EML4: variants seen among roughly 807,000 people sequenced by gnomAD.
EML4 encodes echinoderm microtubule-associated protein-like 4.
A neutral mutation model predicts 129.0 loss-of-function variants in EML4; 72 were observed. The observed-to-expected ratio is 0.56, with a 90% CI of 0.46 to 0.68. The LOEUF is 0.68. EML4 is among the 30% of genes least tolerant of loss of function. EML4 has a pLI of 0.00. For missense variants in EML4, 1,363 were observed against 1,190.6 expected (o/e 1.14, Z -2.13); for synonymous variants, 532 against 405.0 (o/e 1.31, Z -3.77).
At chr2:42,213,841 CAT>C (rs776186071) in intron 1 of EML4, among the ~76,000 whole-genome samples, 76 of 152,256 alleles carry the variant, frequency 5.0e-4, no homozygotes, top group Middle Eastern at 3.4e-3. Context: ...TTTCTTAAAA[CAT>C]ATAAAATTAA....
chr2:42,233,627 G>A (rs11124864), intron 1 of EML4, among the ~76,000 whole-genome samples: 74,493 of 151,958 alleles, frequency 0.49, 18,706 homozygotes, highest in East Asian at 0.76. Flanking sequence ...GTTTCTTAAT[G>A]CTAGTACTGC....
At chr2:42,294,251 C>G (rs866602678) in intron 11 of EML4, among the ~76,000 whole-genome samples, 2 of 152,270 alleles carry the variant, frequency 1.3e-5, no homozygotes, top group Middle Eastern at 3.4e-3. Context: ...TAATGCCTGT[C>G]TTTGCTAGAT....
At chr2:42,176,680 T>C (rs1670622561) in intron 1 of EML4, among the ~76,000 whole-genome samples, 1 of 152,244 alleles carries the variant, frequency 6.6e-6, no homozygotes. Flanking sequence ...ATAGGACCAC[T>C]CTTGGGGTAC....
chr2:42,279,325 G>A (rs897812126), intron 6 of EML4, among the ~76,000 whole-genome samples: 18 of 152,162 alleles, frequency 1.2e-4, no homozygotes, highest in Non-Finnish European at 2.4e-4. Context: ...TGGGATTGCA[G>A]CATCATATGG....
At chr2:42,226,849 T>G (rs1208876535) in intron 1 of EML4, among the ~76,000 whole-genome samples, 1 of 152,056 alleles carries the variant, frequency 6.6e-6, no homozygotes, top group South Asian at 2.1e-4. Context: ...ACCATAAATA[T>G]ATACAACTTT....
chr2:42,322,775 T>C (rs796431654), intron 19 of EML4, among the ~76,000 whole-genome samples: 2 of 152,228 alleles, frequency 1.3e-5, no homozygotes, highest in Admixed American at 6.5e-5. Flanking sequence ...CATTAGCCTG[T>C]GACTTGGGTA....
chr2:42,295,209 T>C lies in EML4; in HGVS notation c.1303T>C (p.Phe435Leu). The C allele has an allele frequency of 1.2e-6, 2 of 1,613,592 alleles. No homozygotes were observed. The highest frequency in any genetic ancestry group is 1.7e-6 in the Non-Finnish European group (2 of 1,179,884). The change falls in exon 12 of 23, where the codon TTC (phenylalanine) becomes CTC (leucine). Residue 435 changes from phenylalanine to leucine, a missense_variant. Coordinates refer to ENST00000318522, the MANE Select transcript of EML4 (RefSeq NM_019063.5). ...IITCGKSHIF[F>L]WTWSGNSLTR... ...TACATGCGGTAAATCTCATATTTTCTTCTGGACCTGGAGCGGCAATTCACT... is the reference window on the plus strand; with the variant it reads ...TACATGCGGTAAATCTCATATTTTCCTCTGGACCTGGAGCGGCAATTCACT...
chr2:42,325,491 C>T lies in EML4; in HGVS notation c.2179C>T (p.Leu727Phe), dbSNP rs1669736094. 1.9e-6 allele frequency: 3 copies of T among 1,577,152 alleles called. No individual in the cohort carries two copies. The highest frequency in any genetic ancestry group is 2.6e-6 in the Non-Finnish European group (3 of 1,152,358). Reference sequence around the variant, plus strand: ...GGGACATTCCAGCTACATCACACACCTTGACTGGTCCCCAGACAACAAGTA... The same window carrying T: ...GGGACATTCCAGCTACATCACACACTTTGACTGGTCCCCAGACAACAAGTA... ...CTGHSSYITH[L>F]DWSPDNKYIM... is the part of the protein sequence containing the mutation. The change falls in exon 20 of 23, where the codon CTT becomes TTT. Residue 727 changes from leucine (L) to phenylalanine (F), a missense_variant. Leu to Phe is a conservative substitution (Grantham distance 22). Transcript: ENST00000318522.
intron 1 of EML4, among the ~76,000 whole-genome samples, chr2:42,176,629 C>A (rs1028397288): frequency 6.6e-6 from 1 of 152,108 alleles, no homozygotes; most frequent in Non-Finnish European, 1.5e-5. Flanking sequence ...ATGTTTACTT[C>A]TTTTCATTCC....
At chr2:42,244,101 G>GTTTTTTTTTT (rs147426155) in intron 1 of EML4, among the ~76,000 whole-genome samples, 82 of 81,358 alleles carry the variant, frequency 1.0e-3, no homozygotes, top group South Asian at 1.6e-3. Context: ...TTTGTTTTTT[G>GTTTTTTTTTT]TTTTTTTTTT....
chr2:42,231,039 G>A (rs183084378), intron 1 of EML4, among the ~76,000 whole-genome samples: 96 of 152,196 alleles, frequency 6.3e-4, no homozygotes, highest in African/African-American at 2.0e-3. Flanking sequence ...ACCCCCGTCT[G>A]GTTAAACCCT....
chr2:42,289,353 T>G (rs1462964401), intron 11 of EML4: 1 of 152,212 alleles, frequency 6.6e-6, no homozygotes, highest in Non-Finnish European at 1.5e-5. Flanking sequence ...ACTTTAAATG[T>G]TGGTGTTCTT....
chr2:42,219,241 C>G (rs146768082), intron 1 of EML4, among the ~76,000 whole-genome samples: 1 of 152,224 alleles, frequency 6.6e-6, no homozygotes, highest in African/African-American at 2.4e-5. Flanking sequence ...TGGGCAGGTC[C>G]ACTGATATGT....
intron 2 of EML4, among the ~76,000 whole-genome samples, chr2:42,246,304 T>C (rs1558536836): frequency 6.6e-6 from 1 of 152,230 alleles, no homozygotes; most frequent in Non-Finnish European, 1.5e-5. Context: ...AAAGAATTTA[T>C]TATTCTTTCA....
chr2:42,221,459 G>A (rs6724266), intron 1 of EML4, among the ~76,000 whole-genome samples: 3,394 of 132,436 alleles, frequency 0.026, 128 homozygotes, highest in African/African-American at 0.089. Context: ...ACCCAGGCTA[G>A]AGCGCAGTAG....
chr2:42,310,421 T>C (rs577938801), intron 17 of EML4, among the ~76,000 whole-genome samples: 137 of 151,438 alleles, frequency 9.0e-4, no homozygotes, highest in Middle Eastern at 3.4e-3. Flanking sequence ...CTCAGCTCAC[T>C]TGCAGCCTCT....
chr2:42,218,918 C>T (rs1312622766), intron 1 of EML4, among the ~76,000 whole-genome samples: 4 of 152,242 alleles, frequency 2.6e-5, no homozygotes, highest in African/African-American at 9.6e-5. Flanking sequence ...CCCATCTCAG[C>T]CTCGCAAGCA....
chr2:42,298,900 A>G (rs1377629151), intron 13 of EML4, among the ~76,000 whole-genome samples: 2 of 152,192 alleles, frequency 1.3e-5, no homozygotes, highest in Non-Finnish European at 2.9e-5. Context: ...TAGTTTGACC[A>G]TGCACAGGGA....
At chr2:42,207,927 A>T (rs556419299) in intron 1 of EML4, 2 of 152,334 alleles carry the variant, frequency 1.3e-5, no homozygotes, top group Admixed American at 6.5e-5. Flanking sequence ...TAAATGTTGC[A>T]GTGAAGATTG....
Sources: gnomAD v4.1 joint callset for allele counts (sites outside exome capture counted in the v4.1 genomes callset) on GRCh38, gnomAD v4.1.1 for gene constraint, MANE v1.5 for transcripts, NCBI Gene and HGNC (gene_info 2026-07-23, HGNC 2026-07-21) for gene names.